Variants in RIMKLB observed in about 807,000 individuals in gnomAD.
The protein encoded by RIMKLB is ribosomal modification protein rimK like family member B, also known as beta-citrylglutamate synthase B.
RIMKLB carries 7 observed loss-of-function variants against 32.0 expected under a neutral mutation model. That is an observed-to-expected ratio of 0.22 (90% confidence interval 0.12 to 0.41). RIMKLB has a LOEUF of 0.41. RIMKLB is among the 10% of genes least tolerant of loss of function. RIMKLB has a pLI of 1.00. For synonymous variants in RIMKLB, 172 were observed against 185.1 expected, an observed-to-expected ratio of 0.93 and a Z score of 0.57; for missense variants, 289 against 498.7, an observed-to-expected ratio of 0.58 and a Z score of 4.00.
downstream of RIMKLB, chr12:8,777,211 CTTTCTTTTTTTTTT>C: frequency 4.1e-6 from 2 of 483,364 alleles, no homozygotes; most frequent in Non-Finnish European, 4.7e-6. Flanking sequence ...TGCTTGCTTG[CTTTCTTTTTTTTTT>C]TTTTTTTTTT....
At chr12:8,699,177 G>A (rs74059961) in intron 1 of RIMKLB, among the ~76,000 whole-genome samples, 5,435 of 152,110 alleles carry the variant, frequency 0.036, 317 homozygotes, top group African/African-American at 0.12. Context: ...TTTCCCATTA[G>A]TTATATATAT....
chr12:8,699,090 ATTCTG>A (rs992972532), intron 1 of RIMKLB, among the ~76,000 whole-genome samples: 4 of 152,082 alleles, frequency 2.6e-5, no homozygotes, highest in African/African-American at 9.7e-5. Flanking sequence ...TGGGGTGGTA[ATTCTG>A]TTCTGTGAGG....
chr12:8,741,190 AG>A (rs1236899586), intron 2 of RIMKLB, among the ~76,000 whole-genome samples: 2 of 151,790 alleles, frequency 1.3e-5, no homozygotes, highest in African/African-American at 4.9e-5. Flanking sequence ...TGGGCGACAG[AG>A]GGAGACTCTG....
intron 1 of RIMKLB, among the ~76,000 whole-genome samples, chr12:8,702,200 G>A (rs771959938): frequency 1.3e-5 from 2 of 152,274 alleles, no homozygotes; most frequent in South Asian, 2.1e-4. Context: ...GGAATAAAAT[G>A]GTTGTCGGTT....
chr12:8,776,586 ATT>A lies in RIMKLB; in HGVS notation c.*2803_*2804del, dbSNP rs1950739729. 1 of 834,432 alleles carries A rather than the reference ATT, an allele frequency of 1.2e-6. No homozygotes were observed. The highest frequency in any genetic ancestry group is 6.2e-5 in the Admixed American group (1 of 16,102). The allele number at this position is 834,432 out of a possible 1,614,324, so 51.7% of individuals were successfully genotyped here. A position where few individuals can be genotyped will look rare whatever the true frequency, so the allele number is the denominator to read the frequency against. On this transcript the variant is annotated 3_prime_UTR_variant, in exon 6 of 6. Coordinates refer to ENST00000535829, the MANE Select transcript of RIMKLB (RefSeq NM_001297776.2). The stretch of plus-strand genomic sequence containing the variant: ...TATTTCAAAAATGATTATTTCTGAT[ATT>A]GTTTTTATGTCACCCATGATGAAAA...
upstream of RIMKLB, among the ~76,000 whole-genome samples, chr12:8,679,978 A>G (rs1201274244): frequency 6.6e-6 from 1 of 152,198 alleles, no homozygotes; most frequent in African/African-American, 2.4e-5. Flanking sequence ...GACCTTGCTG[A>G]TAAAACAGGT....
upstream of RIMKLB, among the ~76,000 whole-genome samples, chr12:8,677,911 C>A (rs1324624235): frequency 6.6e-6 from 1 of 150,556 alleles, no homozygotes; most frequent in Non-Finnish European, 1.5e-5. Context: ...CGCCACCATG[C>A]CTGGCTAATT....
intron 5 of RIMKLB, among the ~76,000 whole-genome samples, chr12:8,773,085 A>T (rs1436460066): frequency 7.4e-6 from 1 of 134,230 alleles, no homozygotes; most frequent in Non-Finnish European, 1.5e-5. Flanking sequence ...TATTGCAAGT[A>T]AGATAGACTT....
At chr12:8,757,595 T>C (rs1309366323) in intron 5 of RIMKLB, among the ~76,000 whole-genome samples, 2 of 152,222 alleles carry the variant, frequency 1.3e-5, no homozygotes, top group Non-Finnish European at 2.9e-5. Context: ...GTTTACTCTC[T>C]CTGATCATTT....
intron 2 of RIMKLB, among the ~76,000 whole-genome samples, chr12:8,737,417 A>G (rs1404653691): frequency 6.6e-6 from 1 of 152,140 alleles, no homozygotes; most frequent in African/African-American, 2.4e-5. Flanking sequence ...TGTACTTCAT[A>G]ATTCTTTAGA....
At chr12:8,680,344 A>G (rs750578509), upstream of RIMKLB, among the ~76,000 whole-genome samples, 23 of 152,184 alleles carry the variant, frequency 1.5e-4, no homozygotes, top group African/African-American at 5.5e-4. Context: ...TATTTTTAGT[A>G]GAGACGGGGT....
intron 5 of RIMKLB, 81 bp downstream of exon 5, chr12:8,754,174 T>A (rs1336711964): frequency 2.3e-5 from 23 of 1,005,420 alleles, no homozygotes; most frequent in Non-Finnish European, 3.4e-5. Context: ...TATGTAACTC[T>A]AGACCTTCTT....
At chr12:8,747,409 A>C (rs1475589151) in intron 2 of RIMKLB, among the ~76,000 whole-genome samples, 1 of 150,448 alleles carries the variant, frequency 6.6e-6, no homozygotes, top group African/African-American at 2.5e-5. Context: ...AAACACACAC[A>C]CCCCCGGCTC....
At chr12:8,726,905 G>T (rs747005945) in intron 2 of RIMKLB, among the ~76,000 whole-genome samples, 101 of 150,944 alleles carry the variant, frequency 6.7e-4, no homozygotes, top group Admixed American at 2.0e-3. Context: ...TTCTTTTTTT[G>T]CCCTTTGTCA....
At chr12:8,765,421 G>A (rs1045290866) in intron 5 of RIMKLB, among the ~76,000 whole-genome samples, 4 of 152,118 alleles carry the variant, frequency 2.6e-5, no homozygotes, top group Admixed American at 1.3e-4. Flanking sequence ...TGAGATACCA[G>A]AGATCACCAA....
chr12:8,686,270 C>T (rs1347162550), intron 1 of RIMKLB, among the ~76,000 whole-genome samples: 1 of 150,664 alleles, frequency 6.6e-6, no homozygotes, highest in Non-Finnish European at 1.5e-5. Flanking sequence ...TCCCTCCCCT[C>T]CCCTCCTCTC....
At position 8,773,446 on chromosome 12, in the gene RIMKLB, G is replaced by C; in HGVS notation, c.823G>C (p.Val275Leu). Reference protein sequence around the residue: ...LLMKDDGSFCVCEANANVGFI... With the variant: ...LLMKDDGSFCLCEANANVGFI... ...GATGAAAGATGACGGCTCCTTCTGC[G>C]TCTGTGAGGCCAATGCAAATGTAGG... The change falls in exon 6 of 6, where the codon GTC (valine) becomes CTC (leucine). Residue 275 changes from valine to leucine, a missense_variant. Transcript: ENST00000535829. The C allele has an allele frequency of 6.2e-7, 1 of 1,614,206 alleles. No individual in the cohort carries two copies. Among genetic ancestry groups the C allele is most frequent in the Non-Finnish European group, 8.5e-7 (1 of 1,180,026 alleles).
At chr12:8,694,803 G>C (rs1299002603), upstream of RIMKLB, among the ~76,000 whole-genome samples, 2 of 152,172 alleles carry the variant, frequency 1.3e-5, no homozygotes, top group African/African-American at 2.4e-5. Context: ...CTTACCTATA[G>C]AGTTGGTCTT....
chr12:8,741,052 C>G (rs1337213400), intron 2 of RIMKLB, among the ~76,000 whole-genome samples: 2 of 152,044 alleles, frequency 1.3e-5, no homozygotes, highest in Non-Finnish European at 1.5e-5. Context: ...ACTAAAAATA[C>G]AAAAATTAGC....
Sources: gnomAD v4.1 joint callset for allele counts (sites outside exome capture counted in the v4.1 genomes callset) on GRCh38, gnomAD v4.1.1 for gene constraint, MANE v1.5 for transcripts, NCBI Gene and HGNC (gene_info 2026-07-23, HGNC 2026-07-21) for gene names.